METTL14: variants seen among roughly 807,000 people sequenced by gnomAD.
METTL14 encodes methyltransferase 14, N6-adenosine-methyltransferase non-catalytic subunit, also known as N(6)-adenosine-methyltransferase non-catalytic subunit METTL14.
A neutral mutation model predicts 62.4 loss-of-function variants in METTL14; 32 were observed. The ratio of observed to expected loss-of-function variants is 0.51; its 90% CI spans 0.39 to 0.69. The LOEUF (loss-of-function observed/expected upper bound fraction) is 0.69. Among genes scored for constraint, METTL14 ranks in the 30% least tolerant of loss-of-function variants. The pLI is 0.00. For synonymous variants in METTL14, 150 were observed against 180.0 expected, an observed-to-expected ratio of 0.83 and a Z score of 1.34; for missense variants, 340 against 551.9, an observed-to-expected ratio of 0.62 and a Z score of 3.85.
At chr4:118,686,450 T>C (rs1724063409) in intron 1 of METTL14, 3 of 386,550 alleles carry the variant, frequency 7.8e-6, no homozygotes, top group South Asian at 5.9e-5. Flanking sequence ...GCAATGCTCA[T>C]AGAGTGTAAT....
Position 118,713,064 on chromosome 4 carries a change from G to T in METTL14, c.*2762G>T. 1 of 152,266 alleles carries T rather than the reference G, an allele frequency of 6.6e-6. No individual in the cohort carries two copies. Among genetic ancestry groups the T allele is most frequent in the Non-Finnish European group, 1.5e-5 (1 of 68,054 alleles). 9.4% of individuals were successfully genotyped at this position (152,266 alleles called of 1,614,324 possible). ...CATCATGAAACAGCACAGTGTGAGA[G>T]GTCAAGGTGTCAACCTGGGAAGTGA... On this transcript the variant is annotated 3_prime_UTR_variant, in exon 11 of 11. Transcript: ENST00000388822.
chr4:118,705,473 CAAAAA>C (rs1724728438), intron 9 of METTL14, 133 bp from the exon 10 acceptor site: 1 of 728,716 alleles, frequency 1.4e-6, no homozygotes, highest in East Asian at 2.7e-5. Flanking sequence ...GACCCAGTCT[CAAAAA>C]GAAGAGAAAT....
At position 118,696,117 on chromosome 4, in the gene METTL14, C is replaced by CAAAAAAAAAAAAAAAAAAAA. The variant is rs70941201; in HGVS notation, c.504-1056_504-1037dup. Among the ~76,000 whole-genome samples the CAAAAAAAAAAAAAAAAAAAA allele has an allele frequency of 3.5e-4, 12 of 33,908 alleles. 1 individual carries two copies. Among genetic ancestry groups the CAAAAAAAAAAAAAAAAAAAA allele is most frequent in the African/African-American group, 5.0e-4 (3 of 6,012 alleles). 22.2% of individuals were successfully genotyped at this position (33,908 alleles called of 152,430 possible). On this transcript the variant is annotated intron_variant, in intron 6 of 10. Coordinates refer to ENST00000388822, the MANE Select transcript of METTL14 (RefSeq NM_020961.4). ...CTGGCAACAGAGTGAGACTCTGTCTCAAAAAAAAAAAAAAAAAAAAAAAAA... is the reference window on the plus strand; with the variant it reads ...CTGGCAACAGAGTGAGACTCTGTCTCAAAAAAAAAAAAAAAAAAAAAAAAAAAAAAAAAAAAAAAAAAAAA...
chr4:118,688,904 C>G (rs1163370258), intron 2 of METTL14, among the ~76,000 whole-genome samples: 2 of 152,150 alleles, frequency 1.3e-5, no homozygotes, highest in African/African-American at 4.8e-5. Flanking sequence ...GATCTCTTGA[C>G]TTTTTGATCC....
chr4:118,691,950 G>A, intron 4 of METTL14, 31 bp from the exon 5 acceptor site: 2 of 1,427,952 alleles, frequency 1.4e-6, no homozygotes, highest in East Asian at 2.3e-5. Flanking sequence ...TACAATGCAT[G>A]TTACAAATTT....
intron 8 of METTL14, among the ~76,000 whole-genome samples, chr4:118,702,955 T>TATTATC (rs1324326816): frequency 1.4e-5 from 2 of 146,074 alleles, no homozygotes; most frequent in Non-Finnish European, 3.0e-5. Context: ...TTATTATTAT[T>TATTATC]ATTATTATTA....
intron 1 of METTL14, among the ~76,000 whole-genome samples, chr4:118,687,618 T>G (rs1402637972): frequency 6.6e-6 from 1 of 152,180 alleles, no homozygotes; most frequent in Non-Finnish European, 1.5e-5. Context: ...TGAAACAGAT[T>G]TACTTTCAAC....
chr4:118,703,790 T>G (rs1724677955), intron 8 of METTL14, 145 bp from the exon 9 acceptor site: 2 of 543,256 alleles, frequency 3.7e-6, no homozygotes, highest in Admixed American at 3.8e-5. Context: ...CTTTTTATAT[T>G]CTACACTGAA....
Position 118,697,306 on chromosome 4 carries a change from T to G in METTL14, c.628T>G (p.Cys210Gly), listed in dbSNP as rs775246684. 6.2e-7 allele frequency: 1 copy of G among 1,604,932 alleles called. No homozygotes were observed. The highest frequency in any genetic ancestry group is 8.5e-7 in the Non-Finnish European group (1 of 1,177,512). Residue 210 changes from cysteine (C) to glycine (G), a missense_variant, in exon 7 of 11, where the codon TGC becomes GGC. This residue lies in a region of METTL14 where 58 missense variants were observed against 147.5 expected (regional missense o/e 0.39). Coordinates refer to ENST00000388822, the MANE Select transcript of METTL14 (RefSeq NM_020961.4). ...AACTGGCATCACTGCTAATGAAAAA[T>G]GCTGGACTTGGGATGATGTATGATC... The part of the protein sequence containing the change: ...RETGITANEK[C>G]WTWDDIMKLE...
Position 118,685,415 on chromosome 4 carries a change from G to T in METTL14, c.-120G>T. On this transcript the variant is annotated 5_prime_UTR_variant, in exon 1 of 11. An upstream start codon of the reference 5' UTR is lost. Transcript: ENST00000388822. ...GGAAGTCTCTACTGAGGAAAGCTAT[G>T]AGGATACTCTGTTCGTAAGCTCCCG... 3.0e-6 allele frequency: 3 copies of T among 1,008,518 alleles called. No homozygotes were observed. Among genetic ancestry groups the T allele is most frequent in the Non-Finnish European group, 4.7e-6 (3 of 643,212 alleles). The allele number at this position is 1,008,518 out of a possible 1,614,324, so 62.5% of individuals were successfully genotyped here.
rs1009522823 is a variant in METTL14, at chr4:118,712,311, A to C, written c.*2009A>C. On this transcript the variant is annotated 3_prime_UTR_variant, in exon 11 of 11. Transcript: ENST00000388822. ...GGTCTTCTTTATATTTACATGTCTTACATTCCACAAAATTATTTAGAAATG... is the reference window on the plus strand; with the variant it reads ...GGTCTTCTTTATATTTACATGTCTTCCATTCCACAAAATTATTTAGAAATG... The C allele has an allele frequency of 3.3e-5, 5 of 152,154 alleles. No homozygotes were observed. The highest frequency in any genetic ancestry group is 1.2e-4 in the African/African-American group (5 of 41,444). 9.4% of individuals were successfully genotyped at this position (152,154 alleles called of 1,614,324 possible). A position where few individuals can be genotyped will look rare whatever the true frequency, so the allele number is the denominator to read the frequency against.
chr4:118,686,710 T>G, intron 1 of METTL14: 1 of 451,052 alleles, frequency 2.2e-6, no homozygotes, highest in Non-Finnish European at 4.5e-6. Context: ...GTTAAGTAGC[T>G]CTTTGTTGCT....
chr4:118,694,593 A>G, intron 6 of METTL14, 67 bp downstream of exon 6: 2 of 1,182,286 alleles, frequency 1.7e-6, no homozygotes, highest in South Asian at 1.3e-5. Context: ...TGTTTATCCT[A>G]TAACCTTTTT....
chr4:118,702,005 CATACATGTTTTT>C (rs1724607617), intron 8 of METTL14, among the ~76,000 whole-genome samples: 1 of 151,982 alleles, frequency 6.6e-6, no homozygotes, highest in Non-Finnish European at 1.5e-5. Flanking sequence ...AAGAGCGAAA[CATACATGTTTTT>C]ATAGGTATAT....
rs1404170110 is a variant in METTL14 at position 118,703,809 on chromosome 4, AC to A, written c.739-124del. Reference sequence around the variant, plus strand: ...TTATATTCTACACTGAAACAAAATTACCTTGAAACCTTGGAATATAGTGTCT... The same window carrying A: ...TTATATTCTACACTGAAACAAAATTACTTGAAACCTTGGAATATAGTGTCT... On this transcript the variant is annotated intron_variant, in intron 8 of 10. Coordinates refer to ENST00000388822, the MANE Select transcript of METTL14 (RefSeq NM_020961.4). 1.8e-5 allele frequency: 10 copies of A among 558,288 alleles called. No homozygotes were observed. The East Asian group carries it at 2.9e-4, about 16-fold the overall frequency. 34.6% of individuals were successfully genotyped at this position (558,288 alleles called of 1,614,324 possible). A position where few individuals can be genotyped will look rare whatever the true frequency, so the allele number is the denominator to read the frequency against.
chr4:118,701,173 G>GTTTTTTTT (rs370557403), intron 8 of METTL14, among the ~76,000 whole-genome samples: 13 of 114,174 alleles, frequency 1.1e-4, no homozygotes, highest in African/African-American at 3.5e-4. Flanking sequence ...TTTTATTGGA[G>GTTTTTTTT]TTTTTTTTTG....
In METTL14 at chr4:118,700,586, C is replaced by T. The variant is rs1233670392; in HGVS notation, c.682C>T (p.Arg228Ter). 1 of 1,612,874 alleles carries T rather than the reference C, an allele frequency of 6.2e-7. No individual in the cohort carries two copies. The highest frequency in any genetic ancestry group is 1.1e-5 in the South Asian group (1 of 90,986). The change falls in exon 8 of 11, where the codon CGA (arginine) becomes TGA (stop). Residue 228 changes from arginine to a stop codon, truncating the protein, a stop_gained. Transcript: ENST00000388822. LOFTEE classifies it high-confidence loss of function. ...KLEIDEIAAP[R>*]SFIFLWCGSG... Reference sequence around the variant, plus strand: ...AGAAATTGATGAGATTGCAGCACCTCGATCATTTATTTTTCTCTGGTGTGG... The same window carrying T: ...AGAAATTGATGAGATTGCAGCACCTTGATCATTTATTTTTCTCTGGTGTGG...
chr4:118,694,130 T>G (rs1415125409), intron 5 of METTL14, among the ~76,000 whole-genome samples: 4 of 151,418 alleles, frequency 2.6e-5, no homozygotes, highest in Admixed American at 1.3e-4. Context: ...GTAGTTGTTT[T>G]TTTTTTTTTT....
intron 3 of METTL14, among the ~76,000 whole-genome samples, chr4:118,690,983 A>G (rs879288109): frequency 6.6e-5 from 10 of 152,194 alleles, no homozygotes; most frequent in Admixed American, 5.9e-4. Context: ...AATTGTATAT[A>G]ATAGAGATAA....
Sources: gnomAD v4.1 joint callset for allele counts (sites outside exome capture counted in the v4.1 genomes callset) on GRCh38, gnomAD v4.1.1 for gene constraint, gnomAD v4.1.1 regional missense constraint, MANE v1.5 for transcripts, NCBI Gene and HGNC (gene_info 2026-07-23, HGNC 2026-07-21) for gene names.